Variants in CNTNAP3 observed in about 807,000 individuals in gnomAD.
CNTNAP3 encodes the protein contactin-associated protein-like 3.
Under a neutral mutation model 92.1 loss-of-function variants are expected in CNTNAP3, and 36 were observed. That is an observed-to-expected ratio of 0.39 (90% CI 0.30 to 0.52). The LOEUF is 0.52. Ranked by LOEUF, CNTNAP3 falls within the 20% of genes least tolerant of loss-of-function variation. CNTNAP3 has a pLI of 0.76. For synonymous variants in CNTNAP3, 232 were observed against 422.3 expected (o/e 0.55, Z 5.53); for missense variants, 534 against 1,069.6 (o/e 0.50, Z 6.98).
chr9:39,090,770 G>C (rs1277552617), intron 18 of CNTNAP3, among the ~76,000 whole-genome samples: 1 of 152,276 alleles, frequency 6.6e-6, no homozygotes, highest in Admixed American at 6.5e-5. Flanking sequence ...TACTGAATCT[G>C]TATATTACTT....
rs1198167831 is a variant in CNTNAP3, at chr9:39,072,926, G to A, written c.*964C>T. 1 of 152,772 alleles carries A rather than the reference G, an allele frequency of 6.5e-6. No homozygotes were observed. The highest frequency in any genetic ancestry group is 1.5e-5 in the Non-Finnish European group (1 of 68,064). The allele number at this position is 152,772 out of a possible 1,614,324, so 9.5% of individuals were successfully genotyped here. On this transcript the variant is annotated 3_prime_UTR_variant, in exon 24 of 24. Coordinates refer to ENST00000297668, the MANE Select transcript of CNTNAP3 (RefSeq NM_033655.5). ...TCAATATCTTGGGGAAGTAAGTTAG[G>A]ATGATGTTTCATTCACGTCTTAATG...
At position 39,259,134 on chromosome 9, in the gene CNTNAP3, T is replaced by A. The variant is rs1271175374; in HGVS notation, c.196+7762A>T. On this transcript the variant is annotated intron_variant, in intron 2 of 23. Coordinates refer to ENST00000297668, the MANE Select transcript of CNTNAP3 (RefSeq NM_033655.5). ...TCTCCAACTCCTGGGCTCAAGGTGA[T>A]CCAACCGCCTCAGCCTCCCAAAGTG... 8.6e-5 allele frequency among the ~76,000 whole-genome samples: 2 copies of A among 23,302 alleles called. 1 individual carries two copies. The highest frequency in any genetic ancestry group is 2.1e-4 in the African/African-American group (2 of 9,746). 15.3% of individuals were successfully genotyped at this position (23,302 alleles called of 152,430 possible).
intron 21 of CNTNAP3, chr9:39,085,360 C>G (rs2990037): frequency 9.0e-6 from 2 of 221,622 alleles, no homozygotes; most frequent in African/African-American, 4.8e-5. Context: ...TCAACTCAAA[C>G]GTAGTTTTAT....
In CNTNAP3 at chr9:39,099,977, C is replaced by T. The variant is rs1171155057; in HGVS notation, c.2929G>A (p.Glu977Lys). The change falls in exon 18 of 24, where the codon GAG (glutamate) becomes AAG (lysine). Residue 977 changes from glutamate to lysine, a missense_variant. Coordinates refer to ENST00000297668, the MANE Select transcript of CNTNAP3 (RefSeq NM_033655.5). ...HLCRNGGRCR[E>K]KRRGVTCDCA... ...TCACAGGTGACCCCCCTGCGTTTCT[C>T]TCTGCATCTCCCTCCATTGCGACAC... is the stretch of plus-strand genomic sequence containing the variant. The T allele has an allele frequency of 6.2e-7, 1 of 1,603,306 alleles. No individual in the cohort carries two copies. The highest frequency in any genetic ancestry group is 8.5e-7 in the Non-Finnish European group (1 of 1,175,318).
At chr9:39,149,418 C>G (rs1316169128) in intron 10 of CNTNAP3, among the ~76,000 whole-genome samples, 1 of 151,842 alleles carries the variant, frequency 6.6e-6, no homozygotes, top group Non-Finnish European at 1.5e-5. Flanking sequence ...GGCGCGATCT[C>G]TGCTCACTGC....
At chr9:39,087,359 G>C (rs555425601) in intron 19 of CNTNAP3, among the ~76,000 whole-genome samples, 2 of 152,334 alleles carry the variant, frequency 1.3e-5, no homozygotes, top group East Asian at 3.9e-4. Flanking sequence ...AAAAGGTTTT[G>C]TCAGGAGACA....
intron 13 of CNTNAP3, among the ~76,000 whole-genome samples, chr9:39,128,330 G>A (rs1821196161): frequency 6.6e-6 from 1 of 151,900 alleles, no homozygotes; most frequent in African/African-American, 2.4e-5. Context: ...GAATTTGAAT[G>A]CAAAAATATT....
intron 13 of CNTNAP3, among the ~76,000 whole-genome samples, chr9:39,121,941 A>C (rs1821032904): frequency 6.6e-6 from 1 of 152,142 alleles, no homozygotes. Flanking sequence ...AATACCCAGC[A>C]CCAGCCCCCT....
chr9:39,209,690 C>CCCTT (rs1342894034), intron 3 of CNTNAP3, among the ~76,000 whole-genome samples: 1 of 8,274 alleles, frequency 1.2e-4, no homozygotes, highest in African/African-American at 1.8e-4. Flanking sequence ...GCCCCTTCCT[C>CCCTT]CCTTCCTTCC....
Position 39,069,388 on chromosome 9 carries a change from T to A in CNTNAP3, c.*4502A>T, listed in dbSNP as rs1825587756. Among the ~76,000 whole-genome samples, 1 of 152,308 alleles carries A rather than the reference T, an allele frequency of 6.6e-6. No individual in the cohort carries two copies. Among genetic ancestry groups the A allele is most frequent in the Non-Finnish European group, 1.5e-5 (1 of 68,058 alleles). On this transcript the variant is annotated 3_prime_UTR_variant, in exon 24 of 24. Transcript: ENST00000297668. ...GTCACAGAGGTTCTATTTTAAGGGC[T>A]TTCTTAAATTTTTAGGTACCATCAC...
chr9:39,125,760 G>T (rs1821140345), intron 13 of CNTNAP3, among the ~76,000 whole-genome samples: 1 of 151,922 alleles, frequency 6.6e-6, no homozygotes, highest in Non-Finnish European at 1.5e-5. Flanking sequence ...ATAATAAAGG[G>T]GTCAATATAA....
At chr9:39,204,989 A>ATCG (rs1248640062) in intron 3 of CNTNAP3, among the ~76,000 whole-genome samples, 1 of 82,940 alleles carries the variant, frequency 1.2e-5, no homozygotes, top group Admixed American at 1.2e-4. Flanking sequence ...CATCATCATC[A>ATCG]TCATCATCAT....
intron 18 of CNTNAP3, among the ~76,000 whole-genome samples, chr9:39,090,741 G>C (rs1826176289): frequency 6.6e-6 from 1 of 152,194 alleles, no homozygotes; most frequent in Non-Finnish European, 1.5e-5. Context: ...GAAGCCAGCT[G>C]GGATATTGAT....
intron 14 of CNTNAP3, among the ~76,000 whole-genome samples, chr9:39,110,549 A>C (rs1826720982): frequency 2.0e-5 from 3 of 152,278 alleles, no homozygotes; most frequent in South Asian, 4.2e-4. Context: ...CATGAGTATT[A>C]ATTATGTGAC....
chr9:39,123,623 A>G (rs1165943336), intron 13 of CNTNAP3, among the ~76,000 whole-genome samples: 1 of 152,132 alleles, frequency 6.6e-6, no homozygotes. Context: ...ATTGCAAAAA[A>G]TTGAAGACTT....
Position 39,108,392 on chromosome 9 carries a change from C to T in CNTNAP3, c.2365+768G>A, listed in dbSNP as rs140707681. Among the ~76,000 whole-genome samples the T allele has an allele frequency of 1.3e-3, 193 of 152,248 alleles. 1 individual carries two copies. The highest frequency in any genetic ancestry group is 3.4e-3 in the Middle Eastern group (1 of 294). ...TTGGTATTAGGGGATGGAGACGCCACGCCATCTGGCACACTCGGCAAGAAT... is the reference window on the plus strand; with the variant it reads ...TTGGTATTAGGGGATGGAGACGCCATGCCATCTGGCACACTCGGCAAGAAT... On this transcript the variant is annotated intron_variant, in intron 15 of 23. Transcript: ENST00000297668.
rs1457887222 is a variant in CNTNAP3 at position 39,131,790 on chromosome 9, T to C, written c.2080+1142A>G. Reference sequence around the variant, plus strand: ...TTGCAGTGAGCAAAGATCGTGCCACTGCACTCCAGCCTGGGTGACAGAGAG... The same window carrying C: ...TTGCAGTGAGCAAAGATCGTGCCACCGCACTCCAGCCTGGGTGACAGAGAG... On this transcript the variant is annotated intron_variant, in intron 13 of 23. Coordinates refer to ENST00000297668, the MANE Select transcript of CNTNAP3 (RefSeq NM_033655.5). Among the ~76,000 whole-genome samples the C allele has an allele frequency of 4.0e-5, 6 of 151,822 alleles. No individual in the cohort carries two copies. The East Asian group carries it at 1.2e-3, about 30-fold the overall frequency.
At chr9:39,126,060 A>G (rs1207341017) in intron 13 of CNTNAP3, among the ~76,000 whole-genome samples, 3 of 152,196 alleles carry the variant, frequency 2.0e-5, no homozygotes, top group Non-Finnish European at 2.9e-5. Context: ...CATTCTTCTC[A>G]AATACAAATG....
intron 13 of CNTNAP3, among the ~76,000 whole-genome samples, chr9:39,121,645 C>T (rs1428814448): frequency 6.6e-6 from 1 of 152,042 alleles, no homozygotes; most frequent in Non-Finnish European, 1.5e-5. Flanking sequence ...GGATACTGAG[C>T]AAGGACAAGC....
Sources: gnomAD v4.1 joint callset for allele counts (sites outside exome capture counted in the v4.1 genomes callset) on GRCh38, gnomAD v4.1.1 for gene constraint, MANE v1.5 for transcripts, NCBI Gene and HGNC (gene_info 2026-07-23, HGNC 2026-07-21) for gene names.